The following SMAD2 variants were observed in gnomAD, a reference collection of about 807,000 sequenced individuals.
SMAD2 encodes the protein MAD homolog 2.
A neutral mutation model predicts 64.4 loss-of-function variants in SMAD2; 8 were observed. The ratio of observed to expected loss-of-function variants is 0.12; its 90% CI spans 0.07 to 0.22. The LOEUF (loss-of-function observed/expected upper bound fraction) is 0.22. Among genes scored for constraint, SMAD2 ranks in the 10% least tolerant of loss-of-function variants. The probability of loss-of-function intolerance (pLI) is 1.00; values close to 1 mark genes in which losing one functional copy is unlikely to be tolerated. For missense variants in SMAD2, 289 were observed against 561.2 expected, an observed-to-expected ratio of 0.51 and a Z score of 4.90; for synonymous variants, 203 against 195.8, an observed-to-expected ratio of 1.04 and a Z score of -0.31.
chr18:47,864,448 G>C (rs1411394512), intron 6 of SMAD2, among the ~76,000 whole-genome samples: 1 of 152,168 alleles, frequency 6.6e-6, no homozygotes, highest in Non-Finnish European at 1.5e-5. Context: ...TTAAGATACA[G>C]ACAGGTAAAA....
At chr18:47,873,623 C>T (rs1031775189) in intron 2 of SMAD2, among the ~76,000 whole-genome samples, 2 of 152,190 alleles carry the variant, frequency 1.3e-5, no homozygotes, top group Admixed American at 6.5e-5. Flanking sequence ...CCAGTAATGG[C>T]AGAGCAGCCT....
chr18:47,891,838 C>T (rs1341493794), intron 2 of SMAD2, among the ~76,000 whole-genome samples: 1 of 151,920 alleles, frequency 6.6e-6, no homozygotes, highest in Non-Finnish European at 1.5e-5. Flanking sequence ...AATTAAATTG[C>T]CCAAAAGTCC....
chr18:47,899,140 A>C (rs879596498), intron 1 of SMAD2, among the ~76,000 whole-genome samples: 14 of 152,192 alleles, frequency 9.2e-5, no homozygotes, highest in Admixed American at 5.2e-4. Context: ...GAGTTGATTA[A>C]GAAAAAGTTA....
chr18:47,824,137 T>C lies in SMAD2; in HGVS notation c.*17690A>G, dbSNP rs1210250848. The C allele has an allele frequency of 6.6e-6, 1 of 152,152 alleles. No homozygotes were observed. The highest frequency in any genetic ancestry group is 1.5e-5 in the Non-Finnish European group (1 of 68,032). The allele number at this position is 152,152 out of a possible 1,614,324, so 9.4% of individuals were successfully genotyped here. On this transcript the variant is annotated 3_prime_UTR_variant, in exon 11 of 11. Transcript: ENST00000262160. ...CACCAAGGGACAATCAAAGCCTAAC[T>C]ACAAGATGATTCATCATAGATACTT... is the stretch of plus-strand genomic sequence containing the variant.
In SMAD2 at chr18:47,894,646, T is replaced by G. The variant is rs550900656; in HGVS notation, c.236+1875A>C. Among the ~76,000 whole-genome samples, 7 of 152,342 alleles carry G rather than the reference T, an allele frequency of 4.6e-5. No homozygotes were observed. In the South Asian group the frequency reaches 1.4e-3, roughly 32 times the overall value. The stretch of plus-strand genomic sequence containing the variant: ...CACCAGTATTCCTCCAGAAGGAAAC[T>G]TTCCACAAGCCTCCTCTGGATATAG... On this transcript the variant is annotated intron_variant, in intron 2 of 10. Coordinates refer to ENST00000262160, the MANE Select transcript of SMAD2 (RefSeq NM_005901.6).
At position 47,837,804 on chromosome 18, in the gene SMAD2, A is replaced by T. The variant is rs1270603095; in HGVS notation, c.*4023T>A. On this transcript the variant is annotated 3_prime_UTR_variant, in exon 11 of 11. Transcript: ENST00000262160. ...GTCCACAGACTAGATATCTAAAGAG[A>T]TACTTGGTGGGCAGGGGCTTGGGAG... 4.3e-6 allele frequency: 1 copy of T among 232,880 alleles called. No individual in the cohort carries two copies. Among genetic ancestry groups the T allele is most frequent in the Admixed American group, 5.6e-5 (1 of 17,760 alleles). The allele number at this position is 232,880 out of a possible 1,614,324, so 14.4% of individuals were successfully genotyped here. A position where few individuals can be genotyped will look rare whatever the true frequency, so the allele number is the denominator to read the frequency against.
At position 47,814,694 on chromosome 18, in the gene SMAD2, G is replaced by C. The variant is rs1365021499; in HGVS notation, c.*27133C>G. On this transcript the variant is annotated 3_prime_UTR_variant, in exon 11 of 11. Coordinates refer to ENST00000262160, the MANE Select transcript of SMAD2 (RefSeq NM_005901.6). The stretch of plus-strand genomic sequence containing the variant: ...TCAAAAAAGTCCTACTCATGACTTA[G>C]AGGCTTACCCAGTATGGCACAGGAG... 1 of 152,236 alleles carries C rather than the reference G, an allele frequency of 6.6e-6. No individual in the cohort carries two copies. Among genetic ancestry groups the C allele is most frequent in the African/African-American group, 2.4e-5 (1 of 41,456 alleles). 9.4% of individuals were successfully genotyped at this position (152,236 alleles called of 1,614,324 possible).
At chr18:47,879,002 G>A (rs1410796556) in intron 2 of SMAD2, among the ~76,000 whole-genome samples, 1 of 152,274 alleles carries the variant, frequency 6.6e-6, no homozygotes, top group East Asian at 1.9e-4. Context: ...TGGGTGTGCT[G>A]GTGCACACCT....
Position 47,824,452 on chromosome 18 carries a change from T to C in SMAD2, c.*17375A>G, listed in dbSNP as rs1486997690. The C allele has an allele frequency of 6.6e-6, 1 of 152,252 alleles. No homozygotes were observed. The highest frequency in any genetic ancestry group is 2.4e-5 in the African/African-American group (1 of 41,460). 9.4% of individuals were successfully genotyped at this position (152,252 alleles called of 1,614,324 possible). A position where few individuals can be genotyped will look rare whatever the true frequency, so the allele number is the denominator to read the frequency against. ...AAGAATAATTATTTCAAGACAATTA[T>C]ATAATCTTTATCTGTCCTTTAAAAA... On this transcript the variant is annotated 3_prime_UTR_variant, in exon 11 of 11. Coordinates refer to ENST00000262160, the MANE Select transcript of SMAD2 (RefSeq NM_005901.6).
At chr18:47,881,545 T>C (rs185578195) in intron 2 of SMAD2, among the ~76,000 whole-genome samples, 159 of 152,318 alleles carry the variant, frequency 1.0e-3, no homozygotes, top group African/African-American at 3.7e-3. Flanking sequence ...CAAACAGAAT[T>C]TTGAAACATT....
rs1912626928 is a variant in SMAD2, at chr18:47,823,026, A to C, written c.*18801T>G. 6.6e-6 allele frequency: 1 copy of C among 152,186 alleles called. No homozygotes were observed. The highest frequency in any genetic ancestry group is 2.1e-4 in the South Asian group (1 of 4,816). The allele number at this position is 152,186 out of a possible 1,614,324, so 9.4% of individuals were successfully genotyped here. A position where few individuals can be genotyped will look rare whatever the true frequency, so the allele number is the denominator to read the frequency against. On this transcript the variant is annotated 3_prime_UTR_variant, in exon 11 of 11. Transcript: ENST00000262160. ...ACTCTTAAGGCAATATGATTTGCCT[A>C]AGTTCAATAAAAATCGGCTCTCGTT...
chr18:47,905,726 C>G (rs2033875858), intron 1 of SMAD2, among the ~76,000 whole-genome samples: 1 of 152,154 alleles, frequency 6.6e-6, no homozygotes, highest in Admixed American at 6.5e-5. Context: ...AAGTGCATAC[C>G]ATCTTCAATG....
In SMAD2 at chr18:47,886,562, T is replaced by G. The variant is rs1032251993; in HGVS notation, c.236+9959A>C. On this transcript the variant is annotated intron_variant, in intron 2 of 10. Coordinates refer to ENST00000262160, the MANE Select transcript of SMAD2 (RefSeq NM_005901.6). ...GCAAATTTCAGAGAAACTATATCTATATCTATCCATCTATCTATCTATCTA... is the reference window on the plus strand; with the variant it reads ...GCAAATTTCAGAGAAACTATATCTAGATCTATCCATCTATCTATCTATCTA... Among the ~76,000 whole-genome samples, 31 of 130,718 alleles carry G rather than the reference T, an allele frequency of 2.4e-4. No individual in the cohort carries two copies. The East Asian group carries it at 6.7e-3, about 28-fold the overall frequency. The allele number at this position is 130,718 out of a possible 152,430, so 85.8% of individuals were successfully genotyped here.
chr18:47,872,651 G>C (rs879698599), intron 2 of SMAD2, among the ~76,000 whole-genome samples: 1 of 152,130 alleles, frequency 6.6e-6, no homozygotes, highest in Non-Finnish European at 1.5e-5. Context: ...TGGAAGATCA[G>C]CAGTGGCATT....
chr18:47,887,880 C>T (rs138024342), intron 2 of SMAD2, among the ~76,000 whole-genome samples: 2,137 of 152,264 alleles, frequency 0.014, 24 homozygotes, highest in Non-Finnish European at 0.023. Flanking sequence ...ACATATACTA[C>T]TCTCGCCAAA....
intron 6 of SMAD2, among the ~76,000 whole-genome samples, chr18:47,852,406 G>C (rs78594038): frequency 1.3e-5 from 2 of 152,054 alleles, no homozygotes. Flanking sequence ...TTCCCATTAA[G>C]CATGGCATTG....
chr18:47,859,243 G>C (rs763742495), intron 6 of SMAD2, among the ~76,000 whole-genome samples: 5 of 151,988 alleles, frequency 3.3e-5, no homozygotes, highest in African/African-American at 9.7e-5. Flanking sequence ...TAAAATCAGA[G>C]CTGAAAATTT....
intron 6 of SMAD2, among the ~76,000 whole-genome samples, chr18:47,858,216 A>G (rs1408655663): frequency 6.6e-6 from 1 of 152,210 alleles, no homozygotes; most frequent in Non-Finnish European, 1.5e-5. Flanking sequence ...GCCATGTTAC[A>G]TATTAACTGG....
At chr18:47,880,896 T>C (rs1332494996) in intron 2 of SMAD2, among the ~76,000 whole-genome samples, 4 of 152,154 alleles carry the variant, frequency 2.6e-5, no homozygotes, top group Admixed American at 6.5e-5. Context: ...GCAGGTGATT[T>C]TGGCAAAGTT....
Sources: allele counts gnomAD v4.1 joint callset (sites outside exome capture counted in the v4.1 genomes callset), GRCh38; gene constraint gnomAD v4.1.1; transcripts MANE v1.5; gene names NCBI Gene and HGNC (gene_info 2026-07-23, HGNC 2026-07-21).